KYAT1: variants seen among roughly 807,000 people sequenced by gnomAD.
The protein encoded by KYAT1 is kynurenine--oxoglutarate transaminase 1.
Under a neutral mutation model 52.4 loss-of-function variants are expected in KYAT1, and 47 were observed. The ratio of observed to expected loss-of-function variants is 0.90; its 90% CI spans 0.71 to 1.14. KYAT1 has a LOEUF of 1.14. KYAT1 is among the 50% of genes most tolerant of loss of function. The pLI is 0.00. For missense variants in KYAT1, 480 were observed against 557.9 expected (o/e 0.86, Z 1.41); for synonymous variants, 212 against 209.6 (o/e 1.01, Z -0.10).
At chr9:128,871,375 T>C (rs1837208512) in intron 1 of KYAT1, among the ~76,000 whole-genome samples, 1 of 151,882 alleles carries the variant, frequency 6.6e-6, no homozygotes, top group Non-Finnish European at 1.5e-5. Flanking sequence ...TGAAGAACAA[T>C]ATAACTCTAT....
chr9:128,881,442 T>C (rs774460756), intron 1 of KYAT1, among the ~76,000 whole-genome samples: 4 of 152,180 alleles, frequency 2.6e-5, no homozygotes, highest in Admixed American at 6.5e-5. Context: ...TCACCCTACA[T>C]TAGTGCATAT....
At chr9:128,838,005 C>T (rs200581135) in intron 5 of KYAT1, 46 bp downstream of exon 5, 93 of 1,586,002 alleles carry the variant, frequency 5.9e-5, no homozygotes, top group East Asian at 5.6e-4. Flanking sequence ...ACTCAGCCCA[C>T]GCCTTGGATC....
At chr9:128,860,940 A>G (rs937876608) in intron 1 of KYAT1, among the ~76,000 whole-genome samples, 1 of 152,148 alleles carries the variant, frequency 6.6e-6, no homozygotes, top group Non-Finnish European at 1.5e-5. Context: ...AGTAATATCA[A>G]AGATCACTGA....
intron 1 of KYAT1, among the ~76,000 whole-genome samples, chr9:128,875,248 G>GTT (rs1201067985): frequency 0.032 from 3,415 of 108,234 alleles, 151 homozygotes; most frequent in African/African-American, 0.11. Flanking sequence ...GTTTTTTTTT[G>GTT]TTTTTTTTTT....
At position 128,865,335 on chromosome 9, in the gene KYAT1, A is replaced by T. The variant is rs1316361099; in HGVS notation, c.-7+16562T>A. 6.4e-3 allele frequency among the ~76,000 whole-genome samples: 10 copies of T among 1,562 alleles called. 2 individuals are homozygous for T. The highest frequency in any genetic ancestry group is 0.016 in the Non-Finnish European group (9 of 576). The allele number at this position is 1,562 out of a possible 152,430, so 1.0% of individuals were successfully genotyped here. On this transcript the variant is annotated intron_variant, in intron 1 of 12. Transcript: ENST00000302586. Reference sequence around the variant, plus strand: ...TATATATATATATATATATATATATATATATATATATATATATATATATAT... The same window carrying T: ...TATATATATATATATATATATATATTTATATATATATATATATATATATAT...
At chr9:128,859,518 A>C (rs1208549114) in intron 1 of KYAT1, among the ~76,000 whole-genome samples, 3 of 151,752 alleles carry the variant, frequency 2.0e-5, no homozygotes, top group Non-Finnish European at 4.4e-5. Context: ...AAATACAAAA[A>C]TTAGCTGGGT....
At chr9:128,874,611 T>C (rs1837702059) in intron 1 of KYAT1, among the ~76,000 whole-genome samples, 1 of 150,370 alleles carries the variant, frequency 6.7e-6, no homozygotes, top group Non-Finnish European at 1.5e-5. Context: ...GCACCTGACA[T>C]CTTCTATGTC....
chr9:128,837,641 T>C (rs1831354826), intron 6 of KYAT1, 44 bp downstream of exon 6: 1 of 1,611,476 alleles, frequency 6.2e-7, no homozygotes, highest in Non-Finnish European at 8.5e-7. Flanking sequence ...GCAGGAGACA[T>C]GACCAGGTCC....
At chr9:128,851,363 G>A (rs202121695) in intron 1 of KYAT1, among the ~76,000 whole-genome samples, 9 of 152,204 alleles carry the variant, frequency 5.9e-5, no homozygotes, top group African/African-American at 1.9e-4. Flanking sequence ...TTGTGCGCTC[G>A]GAGGAATCCA....
intron 1 of KYAT1, among the ~76,000 whole-genome samples, chr9:128,880,834 C>G (rs193086043): frequency 2.1e-4 from 32 of 152,256 alleles, no homozygotes; most frequent in Admixed American, 1.6e-3. Flanking sequence ...AGAAGTGAAA[C>G]TAGGCATTGG....
rs565355188 is a variant in KYAT1, at chr9:128,857,159, C to T, written c.-6-11748G>A. Reference sequence around the variant, plus strand: ...ACGTGCACATGCAGGCATAGTACCTCCCCTTGAACTTAATTATGACATAGA... The same window carrying T: ...ACGTGCACATGCAGGCATAGTACCTTCCCTTGAACTTAATTATGACATAGA... On this transcript the variant is annotated intron_variant, in intron 1 of 12. Transcript: ENST00000302586. Among the ~76,000 whole-genome samples the T allele has an allele frequency of 5.9e-3, 906 of 152,308 alleles. 1 individual carries two copies. Among genetic ancestry groups the T allele is most frequent in the Middle Eastern group, 0.027 (8 of 294 alleles).
At chr9:128,853,114 T>C (rs1369788726) in intron 1 of KYAT1, among the ~76,000 whole-genome samples, 2 of 152,214 alleles carry the variant, frequency 1.3e-5, no homozygotes, top group Non-Finnish European at 2.9e-5. Context: ...ATAGTAAAAT[T>C]GTGTGGAAGT....
chr9:128,874,137 T>G (rs1342682859), intron 1 of KYAT1, among the ~76,000 whole-genome samples: 1 of 150,340 alleles, frequency 6.7e-6, no homozygotes, highest in Non-Finnish European at 1.5e-5. Context: ...GCGCCTGTGA[T>G]CCCAGCTACT....
Position 128,833,489 on chromosome 9 carries a change from A to G in KYAT1, c.*95T>C. The G allele has an allele frequency of 7.7e-7, 1 of 1,306,010 alleles. No homozygotes were observed. The highest frequency in any genetic ancestry group is 1.1e-6 in the Non-Finnish European group (1 of 904,468). The allele number at this position is 1,306,010 out of a possible 1,614,324, so 80.9% of individuals were successfully genotyped here. ...GAGGTTTCCCAATAGCATCTTCCCC[A>G]ACCTAGAAATGTCTGAAACCTGGAC... On this transcript the variant is annotated 3_prime_UTR_variant, in exon 13 of 13. Coordinates refer to ENST00000302586, the MANE Select transcript of KYAT1 (RefSeq NM_004059.5).
chr9:128,847,745 C>T (rs1271163360), intron 1 of KYAT1: 1 of 503,552 alleles, frequency 2.0e-6, no homozygotes, highest in African/African-American at 1.9e-5. Context: ...CCGACTCCGT[C>T]CTTATAAGAA....
intron 1 of KYAT1, among the ~76,000 whole-genome samples, chr9:128,864,365 CAAAA>C (rs35129459): frequency 1.3e-5 from 1 of 75,188 alleles, no homozygotes; most frequent in African/African-American, 5.9e-5. Context: ...GACTCTGTCT[CAAAA>C]AAAAAAAAAA....
chr9:128,861,149 T>C (rs530392897), intron 1 of KYAT1, among the ~76,000 whole-genome samples: 1 of 152,326 alleles, frequency 6.6e-6, no homozygotes, highest in East Asian at 1.9e-4. Flanking sequence ...GGCTAGTTTG[T>C]TACAACAGCC....
At chr9:128,836,973 C>T in intron 6 of KYAT1, 51 bp from the exon 7 acceptor site, 1 of 1,590,520 alleles carries the variant, frequency 6.3e-7, no homozygotes, top group Non-Finnish European at 8.5e-7. Flanking sequence ...CGTCCCCAAA[C>T]ACAGAGGCCT....
intron 2 of KYAT1, among the ~76,000 whole-genome samples, chr9:128,843,321 C>A (rs950081290): frequency 2.0e-5 from 3 of 152,066 alleles, no homozygotes; most frequent in South Asian, 2.1e-4. Context: ...CATTGTTAAT[C>A]GCAGGAATCA....
Sources: gnomAD v4.1 joint callset for allele counts (sites outside exome capture counted in the v4.1 genomes callset) on GRCh38, gnomAD v4.1.1 for gene constraint, MANE v1.5 for transcripts, NCBI Gene and HGNC (gene_info 2026-07-23, HGNC 2026-07-21) for gene names.